Variants in KCNH1 observed in about 807,000 individuals in gnomAD.
KCNH1 encodes the protein voltage-gated delayed rectifier potassium channel KCNH1.
Under a neutral mutation model 69.2 loss-of-function variants are expected in KCNH1, and 27 were observed. That is an observed-to-expected ratio of 0.39 (90% CI 0.29 to 0.54). The LOEUF is 0.54. Ranked by LOEUF, KCNH1 falls within the 20% of genes least tolerant of loss-of-function variation. The pLI, the probability that KCNH1 is intolerant of heterozygous loss-of-function variation, is 0.68. For missense variants in KCNH1, 798 were observed against 1,261.6 expected (o/e 0.63, Z 5.57); for synonymous variants, 456 against 487.7 (o/e 0.93, Z 0.86).
At chr1:211,055,018 A>G (rs955156903) in intron 5 of KCNH1, among the ~76,000 whole-genome samples, 1 of 152,246 alleles carries the variant, frequency 6.6e-6, no homozygotes, top group Non-Finnish European at 1.5e-5. Flanking sequence ...ACAGTAGAAT[A>G]GAAGCCTCCA....
chr1:210,789,090 A>G (rs1684165808), intron 9 of KCNH1, among the ~76,000 whole-genome samples: 1 of 152,116 alleles, frequency 6.6e-6, no homozygotes, highest in African/African-American at 2.4e-5. Flanking sequence ...TTAGGGTGAC[A>G]CTGACACATA....
rs935315843 is a variant in KCNH1 at position 210,795,402 on chromosome 1, C to T, written c.1915+2106G>A. Among the ~76,000 whole-genome samples, 5 of 152,132 alleles carry T rather than the reference C, an allele frequency of 3.3e-5. No homozygotes were observed. The South Asian group carries it at 1.0e-3, about 32-fold the overall frequency. ...ACCCAAGAGATCCACCCGTCTCAGC[C>T]ACCTGAAGTGCTGGGATTACAGGTA... On this transcript the variant is annotated intron_variant, in intron 9 of 10. Transcript: ENST00000271751.
chr1:210,804,157 T>C lies in KCNH1; in HGVS notation c.1472A>G (p.Tyr491Cys). The C allele has an allele frequency of 6.2e-7, 1 of 1,611,572 alleles. No homozygotes were observed. Among genetic ancestry groups the C allele is most frequent in the Non-Finnish European group, 8.5e-7 (1 of 1,178,630 alleles). Residue 491 changes from tyrosine (Y) to cysteine (C), a missense_variant, in exon 8 of 11, where the codon TAT becomes TGT. Physicochemically the swap from Tyr to Cys is radical, Grantham distance 194. Transcript: ENST00000271751. ...CGTCACATTCCCGAAGATGGTGGCA[T>C]AGAGAAGTGCTAGAGGTGAGGAGGA... ...VAIMMIGSLL[Y>C]ATIFGNVTTI...
rs541596025 is a variant in KCNH1 at position 210,885,711 on chromosome 1, G to A, written c.1462+33929C>T. The stretch of plus-strand genomic sequence containing the variant: ...GGGACACTTGAGCTTGGTAGGGGGA[G>A]AGGCGTCCACCATTACTGAGCCTTG... On this transcript the variant is annotated intron_variant, in intron 7 of 10. Transcript: ENST00000271751. Among the ~76,000 whole-genome samples the A allele has an allele frequency of 3.9e-5, 6 of 152,278 alleles. No individual in the cohort carries two copies. In the South Asian group the frequency reaches 1.2e-3, roughly 32 times the overall value.
chr1:210,888,476 C>T (rs1445876506), intron 7 of KCNH1, among the ~76,000 whole-genome samples: 2 of 152,034 alleles, frequency 1.3e-5, no homozygotes, highest in Non-Finnish European at 2.9e-5. Flanking sequence ...AAAATTGACA[C>T]CCTAACATCA....
Position 210,683,517 on chromosome 1 carries a change from G to A in KCNH1, c.2734C>T (p.His912Tyr). Residue 912 changes from histidine (H) to tyrosine (Y), a missense_variant, in exon 11 of 11, where the codon CAT (histidine) becomes TAT (tyrosine). His to Tyr is a moderately conservative substitution (Grantham distance 83). Around this residue, in one of 4 missense-constraint regions of KCNH1, gnomAD observed 331 missense variants for 363.2 expected, o/e 0.91. Transcript: ENST00000271751. The surrounding 1 kb of genome is among the most constrained non-coding windows in gnomAD (Gnocchi z 5.7). The stretch of plus-strand genomic sequence containing the variant: ...TGCTCAGGGATGGGGTAGAACGAAT[G>A]CTTGACCTCTGCCAGGATGGGACTC... The part of the protein sequence containing the change: ...DRSPILAEVK[H>Y]SFYPIPEQTL... 1 of 1,614,150 alleles carries A rather than the reference G, an allele frequency of 6.2e-7. No homozygotes were observed. The highest frequency in any genetic ancestry group is 8.5e-7 in the Non-Finnish European group (1 of 1,180,026).
At chr1:211,048,637 T>C (rs1043089736) in intron 5 of KCNH1, among the ~76,000 whole-genome samples, 2 of 152,124 alleles carry the variant, frequency 1.3e-5, no homozygotes, top group African/African-American at 4.8e-5. Context: ...AAGTGCGAGC[T>C]AAGCTATGAG....
intron 5 of KCNH1, among the ~76,000 whole-genome samples, chr1:211,077,181 ACT>A (rs1469757438): frequency 6.6e-6 from 1 of 152,174 alleles, no homozygotes; most frequent in Non-Finnish European, 1.5e-5. Context: ...GTTGGAAAAC[ACT>A]CTGCAGGATA....
At chr1:210,931,777 CAA>C (rs1687684286) in intron 6 of KCNH1, among the ~76,000 whole-genome samples, 1 of 150,072 alleles carries the variant, frequency 6.7e-6, no homozygotes, top group Non-Finnish European at 1.5e-5. Context: ...AGAAATTCAA[CAA>C]AGAGATAGAT....
intron 10 of KCNH1, among the ~76,000 whole-genome samples, chr1:210,710,552 C>T (rs1282089319): frequency 1.3e-5 from 2 of 152,118 alleles, no homozygotes; most frequent in Non-Finnish European, 2.9e-5. Context: ...CACTAAGTGA[C>T]AGAAATTTTT....
intron 6 of KCNH1, among the ~76,000 whole-genome samples, chr1:210,965,763 C>T (rs1415490488): frequency 1.3e-5 from 2 of 152,146 alleles, no homozygotes; most frequent in South Asian, 2.1e-4. Flanking sequence ...ACATTCCATG[C>T]TCATGGATAG....
intron 3 of KCNH1, among the ~76,000 whole-genome samples, chr1:211,093,253 T>C (rs1691087897): frequency 6.6e-6 from 1 of 152,158 alleles, no homozygotes; most frequent in South Asian, 2.1e-4. Flanking sequence ...GGAGGCCTTT[T>C]TCATTTGTCC....
chr1:211,023,505 T>C (rs892281563), intron 5 of KCNH1, among the ~76,000 whole-genome samples: 1 of 151,504 alleles, frequency 6.6e-6, no homozygotes, highest in Non-Finnish European at 1.5e-5. Context: ...CATTTGCAGC[T>C]CCATGGATAA....
intron 1 of KCNH1, among the ~76,000 whole-genome samples, chr1:211,112,519 A>C (rs1310290109): frequency 5.3e-5 from 8 of 151,844 alleles, no homozygotes; most frequent in African/African-American, 1.7e-4. Flanking sequence ...AAAAAAAAAA[A>C]AAAACAAGCC....
chr1:210,980,269 CA>C (rs983456183), intron 6 of KCNH1, among the ~76,000 whole-genome samples: 164 of 152,272 alleles, frequency 1.1e-3, no homozygotes, highest in African/African-American at 3.8e-3. Flanking sequence ...CATGATGATG[CA>C]GCCATAATGA....
intron 1 of KCNH1, among the ~76,000 whole-genome samples, chr1:211,131,138 A>G (rs766028309): frequency 1.3e-5 from 2 of 152,058 alleles, no homozygotes; most frequent in East Asian, 1.9e-4. Flanking sequence ...TCTTGCATCA[A>G]TTTCCTTATT....
At chr1:210,790,093 A>G (rs1337549247) in intron 9 of KCNH1, among the ~76,000 whole-genome samples, 1 of 152,208 alleles carries the variant, frequency 6.6e-6, no homozygotes, top group East Asian at 1.9e-4. Flanking sequence ...GGCTTTCCCA[A>G]TTCTTTTCAA....
chr1:210,934,977 C>T (rs1234302917), intron 6 of KCNH1, among the ~76,000 whole-genome samples: 3 of 151,466 alleles, frequency 2.0e-5, no homozygotes, highest in Non-Finnish European at 4.4e-5. Flanking sequence ...TCCAGCAATC[C>T]CAATGCTGGG....
At chr1:211,066,453 C>A (rs921206022) in intron 5 of KCNH1, among the ~76,000 whole-genome samples, 1 of 152,016 alleles carries the variant, frequency 6.6e-6, no homozygotes, top group Non-Finnish European at 1.5e-5. Flanking sequence ...ATATACATAG[C>A]CTAAAGGTAA....
Sources: gnomAD v4.1 joint callset for allele counts (sites outside exome capture counted in the v4.1 genomes callset) on GRCh38, gnomAD v4.1.1 for gene constraint, gnomAD v4.1.1 regional missense constraint, Gnocchi (gnomAD v3.1) non-coding constraint, MANE v1.5 for transcripts, NCBI Gene and HGNC (gene_info 2026-07-23, HGNC 2026-07-21) for gene names.